Variants in BTG4 observed in about 807,000 individuals in gnomAD.
BTG4 encodes the protein BTG anti-proliferation factor 4.
Under a neutral mutation model 19.3 loss-of-function variants are expected in BTG4, and 10 were observed. The ratio of observed to expected loss-of-function variants is 0.52; its 90% confidence interval spans 0.32 to 0.88. BTG4 has a LOEUF of 0.88. Ranked by LOEUF, BTG4 falls within the 40% of genes least tolerant of loss-of-function variation. BTG4 has a pLI of 0.04. For synonymous variants in BTG4, 91 were observed against 95.7 expected (o/e 0.95, Z 0.29); for missense variants, 238 against 281.9 (o/e 0.84, Z 1.11).
the BTG4 span, among the ~76,000 whole-genome samples, chr11:111,443,570 T>G: frequency 6.6e-6 from 1 of 152,044 alleles, no homozygotes; most frequent in Non-Finnish European, 1.5e-5. Context: ...TAGGAAAAAC[T>G]TACATAACTT....
At chr11:111,470,301 C>A (rs961961686) in intron 5 of BTG4, among the ~76,000 whole-genome samples, 5 of 152,144 alleles carry the variant, frequency 3.3e-5, no homozygotes, top group Non-Finnish European at 7.4e-5. Context: ...CCAGGCTGGT[C>A]TTGAATGCTT....
intron 3 of BTG4, 130 bp from the exon 4 acceptor site, chr11:111,497,539 C>T: frequency 1.9e-6 from 1 of 516,838 alleles, no homozygotes; most frequent in Non-Finnish European, 3.2e-6. Context: ...GACATTATGA[C>T]CTTCACCTAC....
chr11:111,447,985 G>C, the BTG4 span, among the ~76,000 whole-genome samples: 40 of 152,108 alleles, frequency 2.6e-4, no homozygotes, highest in Non-Finnish European at 5.3e-4. Flanking sequence ...TGCCTCCCCA[G>C]CGGTCTTTCT....
At chr11:111,394,328 A>G in the BTG4 span, among the ~76,000 whole-genome samples, 1 of 152,082 alleles carries the variant, frequency 6.6e-6, no homozygotes, top group Admixed American at 6.5e-5. Flanking sequence ...TAATTCCCAC[A>G]TGTTGTGGGA....
chr11:111,483,773 G>A (rs1370218450), intron 5 of BTG4, among the ~76,000 whole-genome samples: 1 of 152,048 alleles, frequency 6.6e-6, no homozygotes. Context: ...CCTTAAAGAG[G>A]ACAGACAAAG....
chr11:111,461,110 C>T, the BTG4 span, among the ~76,000 whole-genome samples: 2 of 151,766 alleles, frequency 1.3e-5, no homozygotes, highest in East Asian at 1.9e-4. Flanking sequence ...GAGGTTATTG[C>T]GGTAATTCAG....
downstream of BTG4, among the ~76,000 whole-genome samples, chr11:111,466,206 A>G (rs1021082692): frequency 2.0e-5 from 3 of 152,216 alleles, no homozygotes; most frequent in Non-Finnish European, 4.4e-5. Flanking sequence ...AACCTGGGCC[A>G]GAACACAGGT....
At chr11:111,451,055 C>T in the BTG4 span, 26 of 179,434 alleles carry the variant, frequency 1.4e-4, no homozygotes, top group South Asian at 2.6e-3. Context: ...GCCAGGCATC[C>T]GAAACCCCAC....
chr11:111,495,357 A>G lies in BTG4; in HGVS notation c.511-43T>C, dbSNP rs779696394. On this transcript the variant is annotated intron_variant, in intron 4 of 4. Transcript: ENST00000692032. ...AAAGATCTCTAATAAGCTAGCTGTAAGGACTAAATATGAACCCATAATTCA... is the reference window on the plus strand; with the variant it reads ...AAAGATCTCTAATAAGCTAGCTGTAGGGACTAAATATGAACCCATAATTCA... The G allele has an allele frequency of 2.9e-4, 438 of 1,516,024 alleles. 1 individual carries two copies. The highest frequency in any genetic ancestry group is 3.8e-4 in the Non-Finnish European group (420 of 1,101,836). The allele number at this position is 1,516,024 out of a possible 1,614,324, so 93.9% of individuals were successfully genotyped here. A position where few individuals can be genotyped will look rare whatever the true frequency, so the allele number is the denominator to read the frequency against.
At chr11:111,397,593 A>C in the BTG4 span, 1 of 152,184 alleles carries the variant, frequency 6.6e-6, no homozygotes, top group African/African-American at 2.4e-5. Context: ...GAGAGGACTT[A>C]TCTGAGCCCC....
At chr11:111,459,779 C>T in the BTG4 span, 4 of 152,612 alleles carry the variant, frequency 2.6e-5, no homozygotes, top group South Asian at 2.1e-4. Context: ...CAATGGAAGA[C>T]GCTGATGGCA....
chr11:111,423,178 G>A, the BTG4 span, among the ~76,000 whole-genome samples: 1 of 152,078 alleles, frequency 6.6e-6, no homozygotes, highest in Non-Finnish European at 1.5e-5. Context: ...TCAGCAAGAA[G>A]GGCCACCGCA....
At chr11:111,514,223 A>C (rs1867133658), upstream of BTG4, 1 of 158,018 alleles carries the variant, frequency 6.3e-6, no homozygotes, top group Admixed American at 6.0e-5. Flanking sequence ...CTTACACTTT[A>C]AATCCAGCTT....
chr11:111,396,228 T>C, the BTG4 span, among the ~76,000 whole-genome samples: 5 of 152,368 alleles, frequency 3.3e-5, no homozygotes, highest in South Asian at 6.2e-4. Context: ...GATTTTAGAA[T>C]GGTCCCTCCT....
the BTG4 span, among the ~76,000 whole-genome samples, chr11:111,441,008 G>T: frequency 6.6e-6 from 1 of 152,136 alleles, no homozygotes; most frequent in Non-Finnish European, 1.5e-5. Context: ...CAGACCAGCT[G>T]CACTTTCCCA....
At chr11:111,448,438 GT>G in the BTG4 span, 1 of 152,782 alleles carries the variant, frequency 6.5e-6, no homozygotes, top group Non-Finnish European at 1.5e-5. Context: ...CTGCATGGCT[GT>G]CCCCCTACAG....
rs1430183132 is a variant in BTG4, at chr11:111,480,990, G to T, written c.663-13309C>A. 2.0e-5 allele frequency among the ~76,000 whole-genome samples: 3 copies of T among 151,534 alleles called. No individual in the cohort carries two copies. In the East Asian group the frequency reaches 5.8e-4, roughly 29 times the overall value. ...AAACAATAGAAAAAAACACAGTAAAGCAAAGAGCTATTTCTTTGGAAAGGT... is the reference window on the plus strand; with the variant it reads ...AAACAATAGAAAAAAACACAGTAAATCAAAGAGCTATTTCTTTGGAAAGGT... On this transcript the variant is annotated intron_variant, in intron 5 of 5. Coordinates refer to the BTG4 transcript ENST00000356018.
At chr11:111,498,262 C>G in intron 2 of BTG4, 127 bp from the exon 3 acceptor site, 1 of 961,340 alleles carries the variant, frequency 1.0e-6, no homozygotes, top group Middle Eastern at 3.1e-4. Context: ...TCCCCTCAGC[C>G]TCCTCCACCC....
intron 5 of BTG4, among the ~76,000 whole-genome samples, chr11:111,471,309 G>T (rs145047802): frequency 3.9e-5 from 6 of 152,110 alleles, no homozygotes; most frequent in Non-Finnish European, 7.3e-5. Context: ...CTCCATCATT[G>T]AATCTCTATT....
Sources: allele counts gnomAD v4.1 joint callset (sites outside exome capture counted in the v4.1 genomes callset), GRCh38; gene constraint gnomAD v4.1.1; transcripts MANE v1.5; gene names NCBI Gene and HGNC (gene_info 2026-07-23, HGNC 2026-07-21).